The following PRELID2 variants were observed in gnomAD, a reference collection of about 807,000 sequenced individuals.
PRELID2 encodes the protein PRELI domain containing 2.
A neutral mutation model predicts 28.4 loss-of-function variants in PRELID2; 25 were observed. That is an observed-to-expected ratio of 0.88 (90% CI 0.64 to 1.23). The LOEUF is 1.23. PRELID2 is among the 50% of genes most tolerant of loss of function. The probability of loss-of-function intolerance (pLI) is 0.00; values close to 1 mark genes in which losing one functional copy is unlikely to be tolerated. For missense variants in PRELID2, 201 were observed against 214.4 expected, an observed-to-expected ratio of 0.94 and a Z score of 0.39; for synonymous variants, 76 against 71.6, an observed-to-expected ratio of 1.06 and a Z score of -0.31.
rs117632974 is a variant in PRELID2 at position 145,757,732 on chromosome 5, C to G, written c.*2804G>C. 6.8e-6 allele frequency among the ~76,000 whole-genome samples: 1 copy of G among 147,204 alleles called. No individual in the cohort carries two copies. Among genetic ancestry groups the G allele is most frequent in the East Asian group, 2.0e-4 (1 of 5,030 alleles). ...ATCCCAGCACTTTGGGAGGCAGAGG[C>G]AGAGGCAGGAGGATCATTTGAGGCC... On this transcript the variant is annotated 3_prime_UTR_variant, in exon 7 of 7. Transcript: ENST00000683046.
the PRELID2 span, among the ~76,000 whole-genome samples, chr5:145,433,928 G>A: frequency 6.6e-6 from 1 of 152,188 alleles, no homozygotes; most frequent in Non-Finnish European, 1.5e-5. Context: ...AAATGCCACA[G>A]TTTTGTTTTC....
intron 1 of PRELID2, among the ~76,000 whole-genome samples, chr5:145,690,413 T>G (rs922867042): frequency 1.3e-5 from 2 of 152,128 alleles, no homozygotes; most frequent in African/African-American, 4.8e-5. Flanking sequence ...CGGTGATTGG[T>G]TCAGGGTGTT....
At chr5:145,351,553 G>A in the PRELID2 span, among the ~76,000 whole-genome samples, 1 of 152,120 alleles carries the variant, frequency 6.6e-6, no homozygotes, top group Non-Finnish European at 1.5e-5. Flanking sequence ...TTCCAGATGA[G>A]ATTTCAGTAG....
At chr5:145,729,859 G>A (rs887588277) in intron 1 of PRELID2, among the ~76,000 whole-genome samples, 1 of 152,194 alleles carries the variant, frequency 6.6e-6, no homozygotes, top group African/African-American at 2.4e-5. Context: ...GCCAATGTGA[G>A]TATGGAGGCT....
chr5:145,326,578 G>A, the PRELID2 span, among the ~76,000 whole-genome samples: 1 of 152,018 alleles, frequency 6.6e-6, no homozygotes, highest in Non-Finnish European at 1.5e-5. Flanking sequence ...TATTGGAGTA[G>A]GTATAGATTA....
the PRELID2 span, among the ~76,000 whole-genome samples, chr5:145,423,095 C>T: frequency 1.1e-4 from 17 of 151,538 alleles, 2 homozygotes; most frequent in Middle Eastern, 3.4e-3. Context: ...GGGTTTCTGC[C>T]GAGAGATCCG....
the PRELID2 span, among the ~76,000 whole-genome samples, chr5:145,250,114 A>T: frequency 6.6e-6 from 1 of 152,122 alleles, no homozygotes; most frequent in African/African-American, 2.4e-5. Flanking sequence ...AGGCAATATT[A>T]TTGGATAAGG....
intron 4 of PRELID2, among the ~76,000 whole-genome samples, chr5:145,813,593 C>T (rs1266745550): frequency 6.6e-6 from 1 of 152,158 alleles, no homozygotes; most frequent in Admixed American, 6.6e-5. Context: ...TATCTGCATT[C>T]GTATCTTGGC....
chr5:145,741,298 A>T (rs1242908712), intron 1 of PRELID2, among the ~76,000 whole-genome samples: 4 of 101,260 alleles, frequency 4.0e-5, no homozygotes, highest in African/African-American at 8.1e-5. Context: ...AATAAATTAT[A>T]TATAAATAAT....
chr5:145,269,599 G>A, the PRELID2 span, among the ~76,000 whole-genome samples: 1 of 151,552 alleles, frequency 6.6e-6, no homozygotes, highest in Non-Finnish European at 1.5e-5. Flanking sequence ...TAAAGAGGAA[G>A]CAGAAATCAA....
intron 1 of PRELID2, chr5:145,729,072 A>C: frequency 3.3e-6 from 2 of 602,630 alleles, no homozygotes; most frequent in Non-Finnish European, 5.9e-6. Context: ...AAATTCAAGT[A>C]AGCAGAATGT....
chr5:145,345,829 C>A, the PRELID2 span, among the ~76,000 whole-genome samples: 1 of 152,058 alleles, frequency 6.6e-6, no homozygotes, highest in South Asian at 2.1e-4. Flanking sequence ...CGCACCCCCG[C>A]CCCACCCCAC....
the PRELID2 span, among the ~76,000 whole-genome samples, chr5:145,233,434 C>T: frequency 6.6e-6 from 1 of 152,120 alleles, no homozygotes; most frequent in Non-Finnish European, 1.5e-5. Context: ...CCACCTTTTT[C>T]ATGAGGCTAT....
chr5:145,294,333 C>T, the PRELID2 span, among the ~76,000 whole-genome samples: 7 of 152,210 alleles, frequency 4.6e-5, no homozygotes, highest in Admixed American at 3.9e-4. Context: ...GTCACATATG[C>T]TCATTTAAAT....
Position 145,703,401 on chromosome 5 carries a change from G to A in PRELID2, n.70+61530C>T, listed in dbSNP as rs568694415. 9.9e-5 allele frequency among the ~76,000 whole-genome samples: 15 copies of A among 152,232 alleles called. No homozygotes were observed. In the South Asian group the frequency reaches 3.1e-3, roughly 32 times the overall value. The stretch of plus-strand genomic sequence containing the variant: ...GGATTGTTCCATCATCAGATTCCAT[G>A]TGGTAGACATGCCCCAAATACACAC... On this transcript the variant is annotated intron_variant and non_coding_transcript_variant, in intron 1 of 2. Coordinates refer to the PRELID2 transcript ENST00000510259.
At chr5:145,788,482 T>C (rs911816439) in intron 5 of PRELID2, among the ~76,000 whole-genome samples, 7 of 152,146 alleles carry the variant, frequency 4.6e-5, no homozygotes, top group Admixed American at 4.6e-4. Context: ...ACACACTGTA[T>C]GGCACACCCA....
chr5:145,427,612 C>T, the PRELID2 span, among the ~76,000 whole-genome samples: 2 of 152,110 alleles, frequency 1.3e-5, no homozygotes, highest in African/African-American at 4.8e-5. Context: ...GGCACTTGTG[C>T]GGGATGCTGT....
chr5:145,323,762 G>T, the PRELID2 span, among the ~76,000 whole-genome samples: 1 of 152,120 alleles, frequency 6.6e-6, no homozygotes, highest in Non-Finnish European at 1.5e-5. Context: ...ATGGCCTCCA[G>T]CTCCATCCAT....
intron 1 of PRELID2, among the ~76,000 whole-genome samples, chr5:145,525,257 C>A (rs139790752): frequency 4.7e-4 from 71 of 152,312 alleles, no homozygotes; most frequent in Middle Eastern, 6.8e-3. Context: ...CAGCTCCTTT[C>A]TTCACCATGA....
Sources: allele counts gnomAD v4.1 joint callset (sites outside exome capture counted in the v4.1 genomes callset), GRCh38; gene constraint gnomAD v4.1.1; transcripts MANE v1.5; gene names NCBI Gene and HGNC (gene_info 2026-07-23, HGNC 2026-07-21).